Variants in CHRM3 observed in about 807,000 individuals in gnomAD.
CHRM3 encodes muscarinic acetylcholine receptor M3.
Under a neutral mutation model 41.8 loss-of-function variants are expected in CHRM3, and 11 were observed. The ratio of observed to expected loss-of-function variants is 0.26; its 90% confidence interval spans 0.17 to 0.44. The LOEUF (loss-of-function observed/expected upper bound fraction) is 0.44. CHRM3 is among the 20% of genes least tolerant of loss of function. CHRM3 has a pLI of 1.00. For synonymous variants in CHRM3, 297 were observed against 301.4 expected, an observed-to-expected ratio of 0.99 and a Z score of 0.15; for missense variants, 571 against 745.4, an observed-to-expected ratio of 0.77 and a Z score of 2.72.
intron 1 of CHRM3, among the ~76,000 whole-genome samples, chr1:239,461,182 C>CA (rs1389130316): frequency 1.3e-5 from 2 of 152,180 alleles, no homozygotes; most frequent in Admixed American, 1.3e-4. Context: ...GTCTAGATAT[C>CA]ATGTGCCAAT....
chr1:239,619,855 G>C (rs1668163842), intron 3 of CHRM3, among the ~76,000 whole-genome samples: 1 of 152,026 alleles, frequency 6.6e-6, no homozygotes, highest in African/African-American at 2.4e-5. Flanking sequence ...TGGAGGGAGA[G>C]GCTGAGATTC....
intron 6 of CHRM3, among the ~76,000 whole-genome samples, chr1:239,890,990 G>A (rs1296122416): frequency 6.6e-6 from 1 of 152,166 alleles, no homozygotes; most frequent in Non-Finnish European, 1.5e-5. Flanking sequence ...CCAGCAAAGG[G>A]AAAGACAAGC....
chr1:239,491,003 G>T (rs1283580809), intron 1 of CHRM3, among the ~76,000 whole-genome samples: 1 of 152,112 alleles, frequency 6.6e-6, no homozygotes. Context: ...GCCTCCCAAG[G>T]TGCTGGGATT....
At chr1:239,885,945 G>A (rs1026285877) in intron 6 of CHRM3, 1 of 152,128 alleles carries the variant, frequency 6.6e-6, no homozygotes, top group Non-Finnish European at 1.5e-5. Context: ...TGAGGGCAAG[G>A]GTAATGAAAA....
chr1:239,864,559 CAT>C lies in CHRM3; in HGVS notation c.-20+37185_-20+37186del, dbSNP rs1318382512. 4.7e-3 allele frequency among the ~76,000 whole-genome samples: 665 copies of C among 141,700 alleles called. 8 individuals are homozygous for C. The highest frequency in any genetic ancestry group is 0.02 in the African/African-American group (635 of 31,788). 93.0% of individuals were successfully genotyped at this position (141,700 alleles called of 152,430 possible). A position where few individuals can be genotyped will look rare whatever the true frequency, so the allele number is the denominator to read the frequency against. ...ACACACACACACGCACACACACACACATATACATATATACATATATATGTATG... is the reference window on the plus strand; with the variant it reads ...ACACACACACACGCACACACACACACATACATATATACATATATATGTATG... On this transcript the variant is annotated intron_variant, in intron 6 of 6. Transcript: ENST00000676153.
intron 5 of CHRM3, among the ~76,000 whole-genome samples, chr1:239,711,749 G>A (rs77872466): frequency 6.6e-6 from 1 of 151,398 alleles, no homozygotes; most frequent in Non-Finnish European, 1.5e-5. Context: ...AAGAACAGGG[G>A]TGAGACACAG....
chr1:239,815,011 A>G (rs1050507368), intron 5 of CHRM3, among the ~76,000 whole-genome samples: 1 of 151,984 alleles, frequency 6.6e-6, no homozygotes, highest in Non-Finnish European at 1.5e-5. Context: ...CCTGACTGCA[A>G]GAGATTCACC....
intron 1 of CHRM3, among the ~76,000 whole-genome samples, chr1:239,467,089 T>C (rs969878145): frequency 1.3e-5 from 2 of 152,210 alleles, no homozygotes. Flanking sequence ...AATTTTTCTC[T>C]GGTTATTTTG....
Position 239,726,085 on chromosome 1 carries a change from A to G in CHRM3, c.-147+47797A>G, listed in dbSNP as rs970623033. 4.6e-5 allele frequency among the ~76,000 whole-genome samples: 7 copies of G among 152,038 alleles called. No individual in the cohort carries two copies. The East Asian group carries it at 7.8e-4, about 17-fold the overall frequency. ...ATGCACGTTCATTTACATGTTGTCTATGACTGCTTGTGCACTACAACAGCA... is the reference window on the plus strand; with the variant it reads ...ATGCACGTTCATTTACATGTTGTCTGTGACTGCTTGTGCACTACAACAGCA... On this transcript the variant is annotated intron_variant, in intron 5 of 6. Coordinates refer to ENST00000676153, the MANE Select transcript of CHRM3 (RefSeq NM_001375978.1).
At chr1:239,456,007 G>A (rs1182143988) in intron 1 of CHRM3, among the ~76,000 whole-genome samples, 2 of 152,164 alleles carry the variant, frequency 1.3e-5, no homozygotes, top group East Asian at 3.9e-4. Context: ...CCTAAGACTA[G>A]GGGTTTATAT....
rs566061898 is a variant in CHRM3 at position 239,633,065 on chromosome 1, C to T, written c.-250+779C>T. On this transcript the variant is annotated intron_variant, in intron 4 of 6. Transcript: ENST00000676153. Reference sequence around the variant, plus strand: ...TCAGCTCACTGCAAGCTCCGCCTCCCGGGTTCACACCATTCTCCTGCCTCA... The same window carrying T: ...TCAGCTCACTGCAAGCTCCGCCTCCTGGGTTCACACCATTCTCCTGCCTCA... Among the ~76,000 whole-genome samples, 7 of 152,326 alleles carry T rather than the reference C, an allele frequency of 4.6e-5. No individual in the cohort carries two copies. The South Asian group carries it at 8.3e-4, about 18-fold the overall frequency.
At chr1:239,842,886 C>T (rs1444502110) in intron 6 of CHRM3, among the ~76,000 whole-genome samples, 1 of 152,178 alleles carries the variant, frequency 6.6e-6, no homozygotes, top group African/African-American at 2.4e-5. Context: ...CATTCCTGTG[C>T]CTAGATCACC....
At chr1:239,793,970 C>T (rs1205518419) in intron 5 of CHRM3, among the ~76,000 whole-genome samples, 1 of 151,726 alleles carries the variant, frequency 6.6e-6, no homozygotes, top group African/African-American at 2.4e-5. Context: ...CACCCCACCA[C>T]ACCCAGCTAA....
chr1:239,512,210 T>C (rs1668969024), intron 2 of CHRM3, among the ~76,000 whole-genome samples: 1 of 152,166 alleles, frequency 6.6e-6, no homozygotes, highest in Non-Finnish European at 1.5e-5. Flanking sequence ...ATAGCCAGAC[T>C]GTAATGTAAA....
At chr1:239,856,007 T>C (rs74606886) in intron 6 of CHRM3, among the ~76,000 whole-genome samples, 1 of 152,192 alleles carries the variant, frequency 6.6e-6, no homozygotes, top group South Asian at 2.1e-4. Flanking sequence ...TTAAATTTTG[T>C]AAGCTATTTA....
chr1:239,467,600 G>A (rs575001723), intron 1 of CHRM3, among the ~76,000 whole-genome samples: 19 of 152,176 alleles, frequency 1.2e-4, no homozygotes, highest in Admixed American at 3.9e-4. Flanking sequence ...GTGCCCGGCC[G>A]CCTCGAGTTC....
rs181776756 is a variant in CHRM3, at chr1:239,763,537, C to G, written c.-146-63715C>G. On this transcript the variant is annotated intron_variant, in intron 5 of 6. Transcript: ENST00000676153. ...GAGCGCTCTACAATACTATGTAGAACAAATAGTAATCCCAAATGCATGAAT... is the reference window on the plus strand; with the variant it reads ...GAGCGCTCTACAATACTATGTAGAAGAAATAGTAATCCCAAATGCATGAAT... Among the ~76,000 whole-genome samples the G allele has an allele frequency of 3.7e-3, 570 of 152,160 alleles. 2 individuals are homozygous for G. Among genetic ancestry groups the G allele is most frequent in the Non-Finnish European group, 5.8e-3 (397 of 68,008 alleles).
intron 6 of CHRM3, among the ~76,000 whole-genome samples, chr1:239,876,098 C>T (rs992085858): frequency 6.6e-6 from 1 of 152,130 alleles, no homozygotes; most frequent in Non-Finnish European, 1.5e-5. Context: ...ATTCAAAACC[C>T]GAAAGTGGCA....
At chr1:239,685,500 C>G (rs946650384) in intron 5 of CHRM3, among the ~76,000 whole-genome samples, 1 of 152,132 alleles carries the variant, frequency 6.6e-6, no homozygotes, top group African/African-American at 2.4e-5. Context: ...TCCTGCTCCT[C>G]TCGTGCATTG....
Sources: allele counts gnomAD v4.1 joint callset (sites outside exome capture counted in the v4.1 genomes callset), GRCh38; gene constraint gnomAD v4.1.1; transcripts MANE v1.5; gene names NCBI Gene and HGNC (gene_info 2026-07-23, HGNC 2026-07-21).